Variants in CEP57L1 observed in about 807,000 individuals in gnomAD.
The protein encoded by CEP57L1 is centrosomal protein CEP57L1.
A neutral mutation model predicts 61.0 loss-of-function variants in CEP57L1; 37 were observed. The ratio of observed to expected loss-of-function variants is 0.61; its 90% CI spans 0.47 to 0.80. CEP57L1 has a LOEUF of 0.80. CEP57L1 is among the 30% of genes least tolerant of loss of function. The probability of loss-of-function intolerance (pLI) is 0.00; values close to 1 mark genes in which losing one functional copy is unlikely to be tolerated. For synonymous variants in CEP57L1, 137 were observed against 162.3 expected, an observed-to-expected ratio of 0.84 and a Z score of 1.19; for missense variants, 422 against 524.7, an observed-to-expected ratio of 0.80 and a Z score of 1.91.
chr6:109,104,915 A>T (rs920279883), intron 1 of CEP57L1, among the ~76,000 whole-genome samples: 3 of 152,122 alleles, frequency 2.0e-5, no homozygotes, highest in Non-Finnish European at 4.4e-5. Flanking sequence ...AATTTTTTTC[A>T]ATCTAATGGG....
chr6:109,105,899 T>A (rs1190817792), intron 1 of CEP57L1: 1 of 152,156 alleles, frequency 6.6e-6, no homozygotes, highest in African/African-American at 2.4e-5. Context: ...GAGCTCCGCC[T>A]CCTGTCAGAT....
chr6:109,126,170 G>T (rs1168755117), intron 1 of CEP57L1, among the ~76,000 whole-genome samples: 2 of 152,184 alleles, frequency 1.3e-5, no homozygotes, highest in Non-Finnish European at 2.9e-5. Flanking sequence ...AATTTGGATT[G>T]TGGAGACTTA....
intron 4 of CEP57L1, among the ~76,000 whole-genome samples, chr6:109,153,433 G>T: frequency 6.6e-6 from 1 of 151,178 alleles, no homozygotes; most frequent in East Asian, 2.0e-4. Context: ...TTTTGTAGAG[G>T]AGGGGTCCCG....
intron 1 of CEP57L1, chr6:109,140,427 T>G (rs1200292618): frequency 1.4e-5 from 2 of 144,848 alleles, no homozygotes; most frequent in African/African-American, 2.6e-5. Flanking sequence ...TTAGACAGAG[T>G]CTTTCTCTGT....
intron 7 of CEP57L1, chr6:109,156,630 A>G (rs944975332): frequency 6.6e-6 from 1 of 152,118 alleles, no homozygotes; most frequent in Non-Finnish European, 1.5e-5. Context: ...TTATTCAGAT[A>G]TGAATGGAGT....
At position 109,170,137 on chromosome 6, in the gene CEP57L1, G is replaced by A. The variant is rs951668298; in HGVS notation, c.*7167G>A. On this transcript the variant is annotated 3_prime_UTR_variant, in exon 11 of 11. Transcript: ENST00000517392. ...AGGAAGAAGTGTTATAGGGTAATGAGCAATAATAAGGCCACCAAATATAAT... is the reference window on the plus strand; with the variant it reads ...AGGAAGAAGTGTTATAGGGTAATGAACAATAATAAGGCCACCAAATATAAT... Among the ~76,000 whole-genome samples the A allele has an allele frequency of 4.6e-5, 7 of 152,252 alleles. No homozygotes were observed. The highest frequency in any genetic ancestry group is 7.4e-5 in the Non-Finnish European group (5 of 68,016).
At chr6:109,107,931 A>G (rs1224769181) in intron 1 of CEP57L1, among the ~76,000 whole-genome samples, 1 of 151,876 alleles carries the variant, frequency 6.6e-6, no homozygotes, top group African/African-American at 2.4e-5. Flanking sequence ...ACACAGAGAG[A>G]CTCTGTATCA....
At chr6:109,115,054 A>G (rs1352555541) in intron 1 of CEP57L1, among the ~76,000 whole-genome samples, 4 of 152,174 alleles carry the variant, frequency 2.6e-5, no homozygotes, top group African/African-American at 7.2e-5. Context: ...AATTAATCAG[A>G]TAAACCATGA....
At position 109,159,466 on chromosome 6, in the gene CEP57L1, A is replaced by G; in HGVS notation, c.1016+4A>G. 6.2e-7 allele frequency: 1 copy of G among 1,610,950 alleles called. No individual in the cohort carries two copies. Among genetic ancestry groups the G allele is most frequent in the Non-Finnish European group, 8.5e-7 (1 of 1,178,512 alleles). ...ATGAGCTGGACCAAATGAGCATGTA[A>G]GTATTTATATTCTTTTTTTTTTTCA... On this transcript the variant is annotated splice_donor_region_variant and intron_variant, in intron 9 of 10. Transcript: ENST00000517392.
At chr6:109,160,752 A>G (rs1446667101) in intron 10 of CEP57L1, 36 bp downstream of exon 10, 1 of 1,561,262 alleles carries the variant, frequency 6.4e-7, no homozygotes, top group Non-Finnish European at 8.6e-7. Context: ...TAATAAAAAC[A>G]CAAAATATCT....
At chr6:109,157,422 A>AAT (rs1210972831) in intron 7 of CEP57L1, 6 of 152,212 alleles carry the variant, frequency 3.9e-5, no homozygotes, top group African/African-American at 1.4e-4. Flanking sequence ...GAAACAGATA[A>AAT]ATATATAAGT....
At chr6:109,115,746 A>G (rs938987146) in intron 1 of CEP57L1, among the ~76,000 whole-genome samples, 17 of 152,184 alleles carry the variant, frequency 1.1e-4, no homozygotes, top group Non-Finnish European at 1.5e-4. Flanking sequence ...TTTTTTATAC[A>G]TATTCAATTA....
chr6:109,149,581 AG>A (rs1772360207), intron 3 of CEP57L1, among the ~76,000 whole-genome samples: 1 of 152,040 alleles, frequency 6.6e-6, no homozygotes, highest in Non-Finnish European at 1.5e-5. Flanking sequence ...CTTTTGGCTT[AG>A]GATTGACTTG....
intron 10 of CEP57L1, 150 bp from the exon 11 acceptor site, chr6:109,162,599 G>A: frequency 3.2e-6 from 2 of 617,528 alleles, no homozygotes; most frequent in South Asian, 4.2e-5. Context: ...GCATGTAATA[G>A]ATGTTCAATA....
At chr6:109,097,035 G>A (rs1379473142) in intron 1 of CEP57L1, among the ~76,000 whole-genome samples, 1 of 152,134 alleles carries the variant, frequency 6.6e-6, no homozygotes, top group African/African-American at 2.4e-5. Context: ...AAAACCAAAT[G>A]CATAGTTATC....
At chr6:109,139,261 A>G (rs1450497199) in intron 1 of CEP57L1, among the ~76,000 whole-genome samples, 1 of 152,182 alleles carries the variant, frequency 6.6e-6, no homozygotes, top group Non-Finnish European at 1.5e-5. Context: ...CATGGTATTC[A>G]GAACGGAGCA....
chr6:109,133,359 A>G (rs541740207), intron 1 of CEP57L1, among the ~76,000 whole-genome samples: 20 of 152,248 alleles, frequency 1.3e-4, no homozygotes, highest in Non-Finnish European at 2.4e-4. Flanking sequence ...GCAGTTCACA[A>G]TAGGGTTTGC....
chr6:109,111,456 T>C (rs1015548464), intron 1 of CEP57L1, among the ~76,000 whole-genome samples: 6 of 152,218 alleles, frequency 3.9e-5, no homozygotes, highest in Admixed American at 3.3e-4. Flanking sequence ...TATACAATCA[T>C]GTCATCTGCA....
At chr6:109,128,454 C>T (rs1343852323) in intron 1 of CEP57L1, among the ~76,000 whole-genome samples, 4 of 152,034 alleles carry the variant, frequency 2.6e-5, no homozygotes, top group African/African-American at 7.2e-5. Flanking sequence ...CTATATTTTT[C>T]GTGTTTGAAT....
Sources: allele counts gnomAD v4.1 joint callset (sites outside exome capture counted in the v4.1 genomes callset), GRCh38; gene constraint gnomAD v4.1.1; transcripts MANE v1.5; gene names NCBI Gene and HGNC (gene_info 2026-07-23, HGNC 2026-07-21).